CLEC4E: variants seen among roughly 807,000 people sequenced by gnomAD.
The protein encoded by CLEC4E is C-type (calcium dependent, carbohydrate-recognition domain) lectin, superfamily member 9.
CLEC4E carries 21 observed loss-of-function variants against 24.7 expected under a neutral mutation model. That is an observed-to-expected ratio of 0.85 (90% CI 0.60 to 1.22). The LOEUF (loss-of-function observed/expected upper bound fraction) is 1.22. CLEC4E is among the 50% of genes most tolerant of loss of function. The pLI is 0.00. For missense variants in CLEC4E, 249 were observed against 254.1 expected, an observed-to-expected ratio of 0.98 and a Z score of 0.14; for synonymous variants, 94 against 85.7, an observed-to-expected ratio of 1.10 and a Z score of -0.54.
Position 8,534,590 on chromosome 12 carries a change from A to G in CLEC4E, c.*48T>C, listed in dbSNP as rs751974064. 6 of 1,499,628 alleles carry G rather than the reference A, an allele frequency of 4.0e-6. No individual in the cohort carries two copies. The African/African-American group carries it at 5.5e-5, about 14-fold the overall frequency. 92.9% of individuals were successfully genotyped at this position (1,499,628 alleles called of 1,614,324 possible). On this transcript the variant is annotated 3_prime_UTR_variant, in exon 6 of 6. Transcript: ENST00000299663. The stretch of plus-strand genomic sequence containing the variant: ...CTCGTGTGGGGCGGTGGGTGTGGCC[A>G]TGTTCTTGCTCTTCCTTCTTTACAC...
intron 3 of CLEC4E, 23 bp downstream of exon 3, chr12:8,539,194 G>A: frequency 6.7e-7 from 1 of 1,502,666 alleles, no homozygotes; most frequent in Non-Finnish European, 9.2e-7. Context: ...AAATTTTGAT[G>A]TTCACCTTTG....
Position 8,534,766 on chromosome 12 carries a change from C to T in CLEC4E, c.532G>A (p.Asp178Asn), listed in dbSNP as rs1292510755. The T allele has an allele frequency of 2.5e-6, 4 of 1,614,018 alleles. No homozygotes were observed. The South Asian group carries it at 3.3e-5, about 13-fold the overall frequency. Residue 178 changes from aspartate (D) to asparagine (N), a missense_variant, in exon 6 of 6, where the codon GAC becomes AAC. Asp to Asn is a conservative substitution (Grantham distance 23). Coordinates refer to ENST00000299663, the MANE Select transcript of CLEC4E (RefSeq NM_014358.4). Reference sequence around the variant, plus strand: ...GAAGAGTCTCTCATGGTGGCACAGTCCTCCAGGGTAGCTATGTTGTTGGGC... The same window carrying T: ...GAAGAGTCTCTCATGGTGGCACAGTTCTCCAGGGTAGCTATGTTGTTGGGC... ...GEPNNIATLE[D>N]CATMRDSSNP...
At chr12:8,536,653 C>A (rs1940619278) in intron 4 of CLEC4E, among the ~76,000 whole-genome samples, 1 of 152,012 alleles carries the variant, frequency 6.6e-6, no homozygotes, top group African/African-American at 2.4e-5. Flanking sequence ...GTAAAATATA[C>A]ATAACATAAA....
At chr12:8,536,335 C>T in intron 4 of CLEC4E, 130 bp from the exon 5 acceptor site, 1 of 495,310 alleles carries the variant, frequency 2.0e-6, no homozygotes, top group Middle Eastern at 5.0e-4. Flanking sequence ...GCGGGTGGAT[C>T]ACCTGAGGTC....
rs1286682531 is a variant in CLEC4E, at chr12:8,534,467, G to A, written c.*171C>T. The A allele has an allele frequency of 4.0e-6, 2 of 503,382 alleles. No individual in the cohort carries two copies. The highest frequency in any genetic ancestry group is 3.1e-5 in the South Asian group (1 of 32,126). The allele number at this position is 503,382 out of a possible 1,614,324, so 31.2% of individuals were successfully genotyped here. A position where few individuals can be genotyped will look rare whatever the true frequency, so the allele number is the denominator to read the frequency against. ...TAACGTAGAGAGAAAATGCACTTCA[G>A]CCAGTAACATGAATTATAACATTTA... On this transcript the variant is annotated 3_prime_UTR_variant, in exon 6 of 6. Transcript: ENST00000299663.
intron 3 of CLEC4E, among the ~76,000 whole-genome samples, chr12:8,538,688 G>C (rs960310938): frequency 3.3e-5 from 5 of 152,182 alleles, no homozygotes; most frequent in Non-Finnish European, 5.9e-5. Flanking sequence ...TGTGGGGCTG[G>C]TCCCTACAGT....
chr12:8,539,460 C>T (rs771876794), intron 2 of CLEC4E, among the ~76,000 whole-genome samples, 154 bp from the exon 3 acceptor site: 6 of 152,154 alleles, frequency 3.9e-5, no homozygotes, highest in Non-Finnish European at 5.9e-5. Context: ...GATATGTTTG[C>T]ACTACCTCTT....
chr12:8,534,875 A>T, intron 5 of CLEC4E, 66 bp from the exon 6 acceptor site: 1 of 1,329,796 alleles, frequency 7.5e-7, no homozygotes, highest in Non-Finnish European at 1.0e-6. Context: ...CTAATATACT[A>T]GGCAAATTAC....
intron 1 of CLEC4E, 119 bp downstream of exon 1, chr12:8,540,642 T>TC: frequency 1.3e-6 from 1 of 799,212 alleles, no homozygotes; most frequent in East Asian, 2.6e-5. Context: ...TCTTCCTCTG[T>TC]CCCCCCACTT....
chr12:8,537,027 C>G, intron 4 of CLEC4E, 88 bp downstream of exon 4: 2 of 1,187,122 alleles, frequency 1.7e-6, no homozygotes, highest in Non-Finnish European at 2.3e-6. Flanking sequence ...TAACAATAGT[C>G]ATTGGGGGTC....
rs764045699 is a variant in CLEC4E at position 8,537,266 on chromosome 12, C to A, written c.221G>T (p.Gly74Val). 2 of 1,612,190 alleles carry A rather than the reference C, an allele frequency of 1.2e-6. No homozygotes were observed. Among genetic ancestry groups the A allele is most frequent in the Non-Finnish European group, 8.5e-7 (1 of 1,178,608 alleles). Residue 74 changes from glycine to valine, a missense_variant and splice_region_variant, in exon 4 of 6, where the codon GGT becomes GTT. Coordinates refer to ENST00000299663, the MANE Select transcript of CLEC4E (RefSeq NM_014358.4). Reference protein sequence around the residue: ...TELSCYNYGSGSVKNCCPLNW... With the variant: ...TELSCYNYGSVSVKNCCPLNW... ...CAATGGACAACAATTCTTGACTGAA[C>A]CTAGGATGAGAGATGTTTCAGTGAG...
intron 5 of CLEC4E, among the ~76,000 whole-genome samples, chr12:8,535,073 C>T (rs1314721684): frequency 6.6e-6 from 1 of 152,160 alleles, no homozygotes; most frequent in African/African-American, 2.4e-5. Context: ...TCTATTCTGT[C>T]CTGTTCCTTA....
intron 5 of CLEC4E, among the ~76,000 whole-genome samples, chr12:8,535,689 A>G (rs768042289): frequency 1.3e-5 from 2 of 152,208 alleles, no homozygotes; most frequent in Non-Finnish European, 2.9e-5. Flanking sequence ...ATCCACAATA[A>G]AAAATGCTAT....
chr12:8,536,752 T>C (rs1042847920), intron 4 of CLEC4E, among the ~76,000 whole-genome samples: 3 of 152,200 alleles, frequency 2.0e-5, no homozygotes, highest in African/African-American at 7.2e-5. Context: ...GCCAAATTTA[T>C]TGAATATATC....
intron 5 of CLEC4E, among the ~76,000 whole-genome samples, chr12:8,535,116 T>C (rs1940595228): frequency 1.3e-5 from 2 of 152,354 alleles, no homozygotes; most frequent in East Asian, 1.9e-4. Flanking sequence ...GGAAGATTGA[T>C]ATTCTGATAG....
chr12:8,538,247 A>C (rs1312995728), intron 3 of CLEC4E, among the ~76,000 whole-genome samples: 4 of 152,228 alleles, frequency 2.6e-5, no homozygotes, highest in Non-Finnish European at 4.4e-5. Flanking sequence ...GCTGTGCTTC[A>C]GTGGTCACAC....
At chr12:8,538,306 A>G (rs1940643895) in intron 3 of CLEC4E, among the ~76,000 whole-genome samples, 1 of 152,204 alleles carries the variant, frequency 6.6e-6, no homozygotes, top group Non-Finnish European at 1.5e-5. Flanking sequence ...TCTGCCTTCT[A>G]GATAGCAGTA....
intron 2 of CLEC4E, 86 bp from the exon 3 acceptor site, chr12:8,539,392 C>A: frequency 1.2e-6 from 1 of 818,826 alleles, no homozygotes; most frequent in South Asian, 1.7e-5. Context: ...AACAAAAGTG[C>A]CAATAATTAT....
At chr12:8,538,376 TTCTC>T (rs975398977) in intron 3 of CLEC4E, among the ~76,000 whole-genome samples, 1 of 152,212 alleles carries the variant, frequency 6.6e-6, no homozygotes, top group Non-Finnish European at 1.5e-5. Context: ...TAAGCTGTCT[TTCTC>T]TCTGTCTCCT....
Sources: gnomAD v4.1 joint callset for allele counts (sites outside exome capture counted in the v4.1 genomes callset) on GRCh38, gnomAD v4.1.1 for gene constraint, MANE v1.5 for transcripts, NCBI Gene and HGNC (gene_info 2026-07-23, HGNC 2026-07-21) for gene names.